EIPR1: variants seen among roughly 807,000 people sequenced by gnomAD.
EIPR1 encodes the protein EARP complex and GARP complex interacting protein 1, also known as EARP and GARP complex-interacting protein 1.
In EIPR1, 25 loss-of-function variants were observed where a neutral mutation model predicts 48.1. That is an observed-to-expected ratio of 0.52 (90% CI 0.38 to 0.73). EIPR1 has a LOEUF of 0.73. Ranked by LOEUF, EIPR1 falls within the 30% of genes least tolerant of loss-of-function variation. The pLI, the probability that EIPR1 is intolerant of heterozygous loss-of-function variation, is 0.00. For synonymous variants in EIPR1, 204 were observed against 201.9 expected (o/e 1.01, Z -0.09); for missense variants, 415 against 506.2 (o/e 0.82, Z 1.73).
intron 3 of EIPR1, among the ~76,000 whole-genome samples, chr2:3,266,382 G>A (rs1050722863): frequency 1.9e-4 from 29 of 152,216 alleles, no homozygotes; most frequent in African/African-American, 6.8e-4. Context: ...CCTGATGCAG[G>A]TACGCCTCGG....
intron 1 of EIPR1, among the ~76,000 whole-genome samples, chr2:3,362,582 AC>A (rs2103384634): frequency 6.6e-6 from 1 of 151,564 alleles, no homozygotes; most frequent in East Asian, 2.0e-4. Context: ...GGGAAATCAC[AC>A]AAAAGCAGGA....
Position 3,286,208 on chromosome 2 carries a change from C to T in EIPR1, c.260-28753G>A, listed in dbSNP as rs533485619. ...CCACCCTCAGAACCCATGAGCAGCA[C>T]AAAAGGTTGTTTTTATGCTAATAAA... On this transcript the variant is annotated intron_variant, in intron 3 of 8. Transcript: ENST00000382125. This position sits in a 1 kb window ranked among gnomAD's most constrained non-coding sequence, Gnocchi z 4.2. 3.9e-5 allele frequency among the ~76,000 whole-genome samples: 6 copies of T among 152,298 alleles called. No individual in the cohort carries two copies. Among genetic ancestry groups the T allele is most frequent in the African/African-American group, 1.4e-4 (6 of 41,572 alleles).
At chr2:3,327,857 C>G (rs973679379) in intron 3 of EIPR1, among the ~76,000 whole-genome samples, 1 of 144,644 alleles carries the variant, frequency 6.9e-6, no homozygotes, top group Non-Finnish European at 1.5e-5. Flanking sequence ...ATGAACTATC[C>G]TGTATTTTTT....
intron 4 of EIPR1, among the ~76,000 whole-genome samples, chr2:3,225,319 C>G (rs1209458976): frequency 6.6e-6 from 1 of 151,022 alleles, no homozygotes; most frequent in African/African-American, 2.4e-5. Flanking sequence ...AATCACAGCT[C>G]ACTGCAGCCT....
chr2:3,293,905 A>C (rs1052852348), intron 3 of EIPR1, among the ~76,000 whole-genome samples: 30 of 152,192 alleles, frequency 2.0e-4, no homozygotes, highest in African/African-American at 7.2e-4. Flanking sequence ...ATTATTCAAA[A>C]AGAAAGATTT....
intron 4 of EIPR1, among the ~76,000 whole-genome samples, chr2:3,255,898 A>G (rs959277232): frequency 3.9e-5 from 6 of 152,286 alleles, no homozygotes; most frequent in Admixed American, 2.0e-4. Context: ...ACAAATGTCT[A>G]TTTGCTGGGG....
At chr2:3,279,892 AAAG>A (rs1341186210) in intron 3 of EIPR1, among the ~76,000 whole-genome samples, 1 of 152,272 alleles carries the variant, frequency 6.6e-6, no homozygotes, top group Non-Finnish European at 1.5e-5. Flanking sequence ...CTCTGGCTAA[AAAG>A]AAGTAACAGG....
intron 8 of EIPR1, among the ~76,000 whole-genome samples, chr2:3,191,840 A>G (rs887501197): frequency 2.0e-5 from 3 of 152,210 alleles, no homozygotes; most frequent in African/African-American, 4.8e-5. Flanking sequence ...CTTTGGGAAA[A>G]TCCAGAACCA....
intron 3 of EIPR1, among the ~76,000 whole-genome samples, chr2:3,270,335 G>C (rs1177840435): frequency 6.6e-6 from 1 of 152,204 alleles, no homozygotes; most frequent in Non-Finnish European, 1.5e-5. Context: ...GGGTGTGTCA[G>C]CGTGTGCCAG....
intron 7 of EIPR1, among the ~76,000 whole-genome samples, chr2:3,193,323 G>A (rs998395792): frequency 2.0e-5 from 3 of 152,240 alleles, no homozygotes; most frequent in Non-Finnish European, 4.4e-5. Flanking sequence ...GCCATAGGGA[G>A]TGAATGCCCC....
chr2:3,343,867 C>T (rs920360719), intron 2 of EIPR1, among the ~76,000 whole-genome samples: 1 of 151,972 alleles, frequency 6.6e-6, no homozygotes, highest in African/African-American at 2.4e-5. Flanking sequence ...ATTTCATCTG[C>T]GCTTCTAAAC....
chr2:3,331,295 T>C (rs71449648), intron 3 of EIPR1, among the ~76,000 whole-genome samples: 859 of 73,776 alleles, frequency 0.012, 20 homozygotes, highest in African/African-American at 0.017. Context: ...GTGTATACAC[T>C]CATGAGATGG....
chr2:3,205,161 C>T (rs749447313), intron 5 of EIPR1, among the ~76,000 whole-genome samples: 3 of 152,266 alleles, frequency 2.0e-5, no homozygotes, highest in Middle Eastern at 3.4e-3. Flanking sequence ...GCACGGCAAG[C>T]GGGAGGGGCT....
intron 4 of EIPR1, among the ~76,000 whole-genome samples, chr2:3,254,799 C>T (rs892271196): frequency 6.6e-5 from 10 of 152,186 alleles, no homozygotes; most frequent in East Asian, 1.9e-4. Flanking sequence ...GGTGGCTACA[C>T]GAACCCACAC....
At chr2:3,202,408 A>G (rs919157935) in intron 5 of EIPR1, among the ~76,000 whole-genome samples, 6 of 152,266 alleles carry the variant, frequency 3.9e-5, no homozygotes, top group African/African-American at 1.4e-4. Flanking sequence ...CAATGAATAC[A>G]GTAAAAAAGA....
chr2:3,278,907 C>A (rs1036338737), intron 3 of EIPR1, among the ~76,000 whole-genome samples: 2 of 152,210 alleles, frequency 1.3e-5, no homozygotes, highest in African/African-American at 4.8e-5. Context: ...CTCCAGCCAA[C>A]AGAAGCAATC....
In EIPR1 at chr2:3,257,466, G is replaced by C. The variant is rs1667195248; in HGVS notation, c.260-11C>G. 3 of 1,613,682 alleles carry C rather than the reference G, an allele frequency of 1.9e-6. No individual in the cohort carries two copies. The highest frequency in any genetic ancestry group is 2.5e-6 in the Non-Finnish European group (3 of 1,179,756). On this transcript the variant is annotated splice_polypyrimidine_tract_variant and intron_variant, in intron 3 of 8. Coordinates refer to ENST00000382125, the MANE Select transcript of EIPR1 (RefSeq NM_003310.5). ...CTTTGCTGTCTGAAGCTGAGCAACA[G>C]AGCATAATGGATAATGTCAACAGAG...
chr2:3,297,171 G>A (rs1184199677), intron 3 of EIPR1, among the ~76,000 whole-genome samples: 1 of 152,216 alleles, frequency 6.6e-6, no homozygotes, highest in Non-Finnish European at 1.5e-5. Context: ...CATGTATCTG[G>A]TGACCACAAA....
intron 4 of EIPR1, among the ~76,000 whole-genome samples, chr2:3,229,694 C>G (rs950214804): frequency 2.0e-5 from 3 of 152,158 alleles, no homozygotes; most frequent in African/African-American, 7.2e-5. Context: ...GCTGATGAAT[C>G]CACTCTTTCA....
Sources: gnomAD v4.1 joint callset for allele counts (sites outside exome capture counted in the v4.1 genomes callset) on GRCh38, gnomAD v4.1.1 for gene constraint, Gnocchi (gnomAD v3.1) non-coding constraint, MANE v1.5 for transcripts, NCBI Gene and HGNC (gene_info 2026-07-23, HGNC 2026-07-21) for gene names.